Variants in LGSN observed in about 807,000 individuals in gnomAD.
LGSN encodes the protein lengsin, lens protein with glutamine synthetase domain.
LGSN carries 21 observed loss-of-function variants against 19.5 expected under a neutral mutation model. The ratio of observed to expected loss-of-function variants is 1.07; its 90% CI spans 0.76 to 1.55. The LOEUF is 1.55. LGSN is among the 40% of genes most tolerant of loss of function. The pLI, the probability that LGSN is intolerant of heterozygous loss-of-function variation, is 0.00. For missense variants in LGSN, 673 were observed against 608.5 expected, an observed-to-expected ratio of 1.11 and a Z score of -1.12; for synonymous variants, 257 against 215.6, an observed-to-expected ratio of 1.19 and a Z score of -1.68.
the LGSN span, among the ~76,000 whole-genome samples, chr6:63,512,803 A>G: frequency 6.6e-6 from 1 of 151,944 alleles, no homozygotes; most frequent in Non-Finnish European, 1.5e-5. Context: ...AATAAATACA[A>G]CAACTTTACT....
At chr6:63,522,023 C>T in the LGSN span, among the ~76,000 whole-genome samples, 1 of 152,362 alleles carries the variant, frequency 6.6e-6, no homozygotes, top group Non-Finnish European at 1.5e-5. Flanking sequence ...AGTAATCTGT[C>T]TCCCTCTCCA....
chr6:63,569,171 TTC>T, the LGSN span, among the ~76,000 whole-genome samples: 1 of 152,202 alleles, frequency 6.6e-6, no homozygotes, highest in Non-Finnish European at 1.5e-5. Context: ...TTGTGAAGAT[TTC>T]TCTGTTCTTC....
At chr6:63,562,885 AT>A in the LGSN span, among the ~76,000 whole-genome samples, 1 of 152,240 alleles carries the variant, frequency 6.6e-6, no homozygotes, top group African/African-American at 2.4e-5. Context: ...ATGTGAAATT[AT>A]GGAACTTTTC....
chr6:63,531,889 C>T, the LGSN span, among the ~76,000 whole-genome samples: 1 of 151,646 alleles, frequency 6.6e-6, no homozygotes, highest in African/African-American at 2.4e-5. Flanking sequence ...TGCAACCTTG[C>T]CTCCCGGGTT....
the LGSN span, among the ~76,000 whole-genome samples, chr6:63,504,741 G>C: frequency 6.6e-6 from 1 of 152,200 alleles, no homozygotes; most frequent in African/African-American, 2.4e-5. Context: ...ACCACACTCA[G>C]CTGAAAATCA....
At chr6:63,456,003 G>A in the LGSN span, among the ~76,000 whole-genome samples, 1 of 152,080 alleles carries the variant, frequency 6.6e-6, no homozygotes, top group Admixed American at 6.5e-5. Flanking sequence ...GCTAAGGTGG[G>A]TGGATCACAA....
At chr6:63,401,582 A>C in the LGSN span, among the ~76,000 whole-genome samples, 1 of 152,258 alleles carries the variant, frequency 6.6e-6, no homozygotes, top group Non-Finnish European at 1.5e-5. Flanking sequence ...TGCAACTTAC[A>C]AAAAGCAAAA....
intron 1 of LGSN, among the ~76,000 whole-genome samples, chr6:63,315,032 G>A (rs914635977): frequency 4.6e-5 from 7 of 152,134 alleles, no homozygotes; most frequent in Admixed American, 2.6e-4. Context: ...TGGAATCCAA[G>A]ACAGATGGGA....
At chr6:63,357,541 G>T in the LGSN span, among the ~76,000 whole-genome samples, 7 of 152,158 alleles carry the variant, frequency 4.6e-5, no homozygotes, top group South Asian at 1.4e-3. Context: ...GTGTGAGATG[G>T]TATCTCATTG....
intron 2 of LGSN, among the ~76,000 whole-genome samples, chr6:63,289,321 A>C (rs1410209453): frequency 6.6e-6 from 1 of 152,192 alleles, no homozygotes; most frequent in Middle Eastern, 3.2e-3. Context: ...TGAGAACGCT[A>C]TCCAATCCCA....
the LGSN span, among the ~76,000 whole-genome samples, chr6:63,412,416 A>AAAGAAAGAAAGAG: frequency 7.7e-4 from 75 of 97,492 alleles, 1 homozygote; most frequent in East Asian, 5.6e-3. Flanking sequence ...AGAAAGAAAG[A>AAAGAAAGAAAGAG]AGAAAGAAAG....
the LGSN span, among the ~76,000 whole-genome samples, chr6:63,377,509 G>A: frequency 1.1e-4 from 17 of 152,166 alleles, no homozygotes; most frequent in African/African-American, 3.9e-4. Flanking sequence ...TTACCTCATG[G>A]TGTGATAAGT....
chr6:63,446,243 C>CAAA, the LGSN span, among the ~76,000 whole-genome samples: 6,372 of 74,406 alleles, frequency 0.086, 700 homozygotes, highest in African/African-American at 0.25. Flanking sequence ...GACTGTGTCT[C>CAAA]AAAAAAAAAA....
the LGSN span, among the ~76,000 whole-genome samples, chr6:63,519,998 T>G: frequency 6.6e-6 from 1 of 152,238 alleles, no homozygotes; most frequent in East Asian, 1.9e-4. Context: ...TAGACTGATT[T>G]AATGTATCAT....
the LGSN span, among the ~76,000 whole-genome samples, chr6:63,509,315 T>A: frequency 6.6e-5 from 10 of 152,106 alleles, no homozygotes; most frequent in Admixed American, 6.6e-4. Flanking sequence ...TCCGCCTGCC[T>A]TGGCCTCTCA....
At chr6:63,518,823 G>A in the LGSN span, among the ~76,000 whole-genome samples, 1 of 152,128 alleles carries the variant, frequency 6.6e-6, no homozygotes, top group Non-Finnish European at 1.5e-5. Context: ...ATTGAAAAAT[G>A]CACATTAGGA....
the LGSN span, among the ~76,000 whole-genome samples, chr6:63,474,686 C>T: frequency 1.1e-4 from 17 of 150,960 alleles, no homozygotes; most frequent in Admixed American, 1.1e-3. Context: ...CTTTGGGAGG[C>T]TGAGGCAGGA....
the LGSN span, among the ~76,000 whole-genome samples, chr6:63,532,180 C>A: frequency 6.6e-6 from 1 of 152,210 alleles, no homozygotes; most frequent in Non-Finnish European, 1.5e-5. Flanking sequence ...ACAATTCAAT[C>A]TTTCCTCTCA....
chr6:63,501,009 G>C, the LGSN span, among the ~76,000 whole-genome samples: 1 of 152,062 alleles, frequency 6.6e-6, no homozygotes, highest in Admixed American at 6.5e-5. Flanking sequence ...GATTACAGGC[G>C]TGAGCCACTG....
Sources: gnomAD v4.1 joint callset for allele counts (sites outside exome capture counted in the v4.1 genomes callset) on GRCh38, gnomAD v4.1.1 for gene constraint, MANE v1.5 for transcripts, NCBI Gene and HGNC (gene_info 2026-07-23, HGNC 2026-07-21) for gene names.